Variants in KANSL1 observed in about 807,000 individuals in gnomAD.
KANSL1 encodes the protein KAT8 regulatory NSL complex subunit 1, also known as MLL1/MLL complex subunit KANSL1.
Under a neutral mutation model 103.6 loss-of-function variants are expected in KANSL1, and 22 were observed. That is an observed-to-expected ratio of 0.21 (90% CI 0.15 to 0.30). The LOEUF (loss-of-function observed/expected upper bound fraction) is 0.30. Ranked by LOEUF, KANSL1 falls within the 10% of genes least tolerant of loss-of-function variation. The probability of loss-of-function intolerance (pLI) is 1.00; values close to 1 mark genes in which losing one functional copy is unlikely to be tolerated. For missense variants in KANSL1, 1,337 were observed against 1,399.8 expected (o/e 0.96, Z 0.72); for synonymous variants, 600 against 527.6 (o/e 1.14, Z -1.88).
upstream of KANSL1, among the ~76,000 whole-genome samples, chr17:46,225,066 G>A (rs1598005485): frequency 6.6e-6 from 1 of 151,608 alleles, no homozygotes; most frequent in East Asian, 1.9e-4. Flanking sequence ...CAGGCCAGTC[G>A]GCCGGCAGCC....
intron 2 of KANSL1, among the ~76,000 whole-genome samples, chr17:46,166,785 C>A (rs995739564): frequency 1.3e-5 from 2 of 152,062 alleles, no homozygotes; most frequent in African/African-American, 4.8e-5. Context: ...AAAAAAGAAA[C>A]CTAGTGAACA....
intron 2 of KANSL1, among the ~76,000 whole-genome samples, chr17:46,096,685 C>A (rs1329598535): frequency 6.6e-6 from 1 of 151,594 alleles, no homozygotes; most frequent in African/African-American, 2.4e-5. Context: ...GTGGCATGAT[C>A]TCGGCTCACT....
chr17:46,170,841 T>C lies in KANSL1; in HGVS notation c.1289+14A>G, dbSNP rs1189904152. On this transcript the variant is annotated intron_variant, in intron 2 of 14. Coordinates refer to ENST00000432791, the MANE Select transcript of KANSL1 (RefSeq NM_015443.4). ...CATTTCTCAAGAATGCTATCATGCA[T>C]GAGGTCTACTCACAGGGGTACATGA... 6.4e-7 allele frequency: 1 copy of C among 1,574,574 alleles called. No homozygotes were observed. The highest frequency in any genetic ancestry group is 1.4e-5 in the African/African-American group (1 of 73,016).
At position 46,111,556 on chromosome 17, in the gene KANSL1, G is replaced by A. The variant is rs114149635; in HGVS notation, c.1290-16855C>T. Reference sequence around the variant, plus strand: ...CTCTGCCCAACCAATTATTAAAATTGCCATTATACAACAAGTATAATCAAT... The same window carrying A: ...CTCTGCCCAACCAATTATTAAAATTACCATTATACAACAAGTATAATCAAT... On this transcript the variant is annotated intron_variant, in intron 2 of 14. Coordinates refer to ENST00000432791, the MANE Select transcript of KANSL1 (RefSeq NM_015443.4). Among the ~76,000 whole-genome samples the A allele has an allele frequency of 9.5e-3, 1,446 of 152,252 alleles. 21 individuals carry two copies. Among genetic ancestry groups the A allele is most frequent in the African/African-American group, 0.034 (1,398 of 41,512 alleles).
rs751508547 is a variant in KANSL1 at position 46,171,620 on chromosome 17, G to A, written c.524C>T (p.Ser175Phe). The A allele has an allele frequency of 3.8e-6, 6 of 1,574,794 alleles. No individual in the cohort carries two copies. The highest frequency in any genetic ancestry group is 1.9e-5 in the Admixed American group (1 of 51,438). Reference sequence around the variant, plus strand: ...GAGAGCCCGTTTTCCCCCATTGAGGGAAGTGGAATTGTCATGATCAGAATG... The same window carrying A: ...GAGAGCCCGTTTTCCCCCATTGAGGAAAGTGGAATTGTCATGATCAGAATG... ...STHSDHDNST[S>F]LNGGKRALTS... Residue 175 changes from serine to phenylalanine, a missense_variant, in exon 2 of 15, where the codon TCC becomes TTC. Coordinates refer to ENST00000432791, the MANE Select transcript of KANSL1 (RefSeq NM_015443.4).
At chr17:46,135,517 C>CA (rs1337114762) in intron 2 of KANSL1, among the ~76,000 whole-genome samples, 2 of 150,136 alleles carry the variant, frequency 1.3e-5, no homozygotes, top group Admixed American at 1.3e-4. Flanking sequence ...TTAAAGGTGA[C>CA]AGATTTTTTT....
intron 7 of KANSL1, among the ~76,000 whole-genome samples, chr17:46,046,625 C>CT (rs2077517974): frequency 6.9e-6 from 1 of 145,800 alleles, no homozygotes; most frequent in Non-Finnish European, 1.5e-5. Flanking sequence ...ATCACGAGGT[C>CT]AGGAGTTCAA....
chr17:46,069,063 T>A (rs1300429794), intron 4 of KANSL1, among the ~76,000 whole-genome samples: 4 of 152,154 alleles, frequency 2.6e-5, no homozygotes, highest in Non-Finnish European at 5.9e-5. Context: ...GTAGCTGGGA[T>A]TACAGGCACA....
intron 2 of KANSL1, among the ~76,000 whole-genome samples, chr17:46,136,696 G>T (rs890688662): frequency 6.6e-6 from 1 of 152,146 alleles, no homozygotes. Context: ...AAAACAAAAA[G>T]GGAGGAAAAC....
At chr17:46,066,434 G>T in intron 6 of KANSL1, 103 bp downstream of exon 6, 2 of 986,356 alleles carry the variant, frequency 2.0e-6, no homozygotes, top group Non-Finnish European at 2.9e-6. Context: ...AGAAGACCTT[G>T]GTGGTTAGCC....
intron 1 of KANSL1, among the ~76,000 whole-genome samples, chr17:46,218,737 C>T (rs4344791): frequency 1.3e-5 from 2 of 151,342 alleles, no homozygotes; most frequent in African/African-American, 4.9e-5. Context: ...GAGCCGAGAT[C>T]GTGCCACTGA....
chr17:46,110,705 T>C (rs760712414), intron 2 of KANSL1, among the ~76,000 whole-genome samples: 5 of 152,194 alleles, frequency 3.3e-5, no homozygotes, highest in Admixed American at 6.5e-5. Flanking sequence ...GTCAAATATA[T>C]GCTATTTAGA....
chr17:46,222,771 G>C (rs866302599), intron 1 of KANSL1: 1 of 152,376 alleles, frequency 6.6e-6, no homozygotes, highest in Admixed American at 6.5e-5. Flanking sequence ...CTGAAGAAAG[G>C]CGAAGCTGGT....
chr17:46,181,677 C>T (rs542230528), intron 1 of KANSL1, among the ~76,000 whole-genome samples: 12 of 152,324 alleles, frequency 7.9e-5, no homozygotes, highest in African/African-American at 2.9e-4. Context: ...GGTGATCGAC[C>T]CGCCTCGGCC....
At chr17:46,107,269 C>T (rs1191673374) in intron 2 of KANSL1, among the ~76,000 whole-genome samples, 1 of 152,208 alleles carries the variant, frequency 6.6e-6, no homozygotes, top group African/African-American at 2.4e-5. Flanking sequence ...CCCCATTTCT[C>T]TATTTCTTTT....
chr17:46,130,187 C>CAAAAAAAAAAAAAAAAAAAAAGAAAAA (rs2043789729), intron 2 of KANSL1, among the ~76,000 whole-genome samples: 1 of 75,472 alleles, frequency 1.3e-5, no homozygotes, highest in Non-Finnish European at 2.7e-5. Flanking sequence ...ATCCTGTCTC[C>CAAAAAAAAAAAAAAAAAAAAAGAAAAA]AAAAAAAAAA....
chr17:46,169,153 G>C (rs1247833796), intron 2 of KANSL1, among the ~76,000 whole-genome samples: 1 of 152,244 alleles, frequency 6.6e-6, no homozygotes, highest in Non-Finnish European at 1.5e-5. Flanking sequence ...CGTTAACCAA[G>C]ATATTTTTAA....
chr17:46,145,886 A>T (rs1300311025), intron 2 of KANSL1, among the ~76,000 whole-genome samples: 1 of 152,018 alleles, frequency 6.6e-6, no homozygotes, highest in African/African-American at 2.4e-5. Context: ...CGACCATGAC[A>T]CTCAGCTATT....
intron 1 of KANSL1, among the ~76,000 whole-genome samples, chr17:46,174,343 C>T (rs997495323): frequency 6.6e-6 from 1 of 152,140 alleles, no homozygotes; most frequent in East Asian, 1.9e-4. Context: ...TGCCACCACG[C>T]CTGGCTAATT....
Sources: gnomAD v4.1 joint callset for allele counts (sites outside exome capture counted in the v4.1 genomes callset) on GRCh38, gnomAD v4.1.1 for gene constraint, MANE v1.5 for transcripts, NCBI Gene and HGNC (gene_info 2026-07-23, HGNC 2026-07-21) for gene names.